COL18A1: variants seen among roughly 807,000 people sequenced by gnomAD.
COL18A1 encodes the protein collagen alpha-1(XVIII) chain.
COL18A1 carries 133 observed loss-of-function variants against 168.0 expected under a neutral mutation model. The ratio of observed to expected loss-of-function variants is 0.79; its 90% CI spans 0.69 to 0.91. The LOEUF (loss-of-function observed/expected upper bound fraction) is 0.91, where lower values mean the gene tolerates loss of function less well. Among genes scored for constraint, COL18A1 ranks in the 40% least tolerant of loss-of-function variants. The probability of loss-of-function intolerance (pLI) is 0.00; values close to 1 mark genes in which losing one functional copy is unlikely to be tolerated. For missense variants in COL18A1, 2,126 were observed against 1,925.4 expected (o/e 1.10, Z -1.95); for synonymous variants, 949 against 809.0 (o/e 1.17, Z -2.94).
intron 15 of COL18A1, 135 bp downstream of exon 15, chr21:45,482,956 C>T (rs1054308984): frequency 1.4e-5 from 18 of 1,287,500 alleles, no homozygotes; most frequent in Non-Finnish European, 1.9e-5. Context: ...CCACTCCTGC[C>T]ATCTGTCCAT....
chr21:45,476,866 GTA>G (rs987270518), intron 6 of COL18A1, among the ~76,000 whole-genome samples: 4 of 151,158 alleles, frequency 2.6e-5, no homozygotes, highest in African/African-American at 4.9e-5. Flanking sequence ...CGTATTGTGT[GTA>G]TGTGTGTGAT....
rs1555876762 is a variant in COL18A1, at chr21:45,511,088, C to CAG, written c.3694-22_3694-21insGA. 2.9e-6 allele frequency: 3 copies of CAG among 1,045,728 alleles called. No homozygotes were observed. In the African/African-American group the frequency reaches 9.5e-5, roughly 33 times the overall value. 64.8% of individuals were successfully genotyped at this position (1,045,728 alleles called of 1,614,324 possible). On this transcript the variant is annotated intron_variant, in intron 40 of 41. Coordinates refer to ENST00000651438, the MANE Select transcript of COL18A1 (RefSeq NM_001379500.1). ...TCCACACCCCCACACACCACACACA[C>CAG]ATACACACGGTTTCTCTTCCAGGAC...
At chr21:45,510,523 C>T (rs1028341383) in intron 40 of COL18A1, among the ~76,000 whole-genome samples, 10 of 152,302 alleles carry the variant, frequency 6.6e-5, no homozygotes, top group Non-Finnish European at 1.3e-4. Context: ...CCCCCGCTCC[C>T]CCGGCAGTGC....
At chr21:45,446,691 C>T (rs191895454) in intron 2 of COL18A1, among the ~76,000 whole-genome samples, 35 of 152,264 alleles carry the variant, frequency 2.3e-4, no homozygotes, top group South Asian at 1.4e-3. Flanking sequence ...CAGACAAAGA[C>T]ATTGCCAAAA....
At chr21:45,406,478 G>T (rs952113540) in intron 2 of COL18A1, among the ~76,000 whole-genome samples, 3 of 152,232 alleles carry the variant, frequency 2.0e-5, no homozygotes, top group Non-Finnish European at 2.9e-5. Context: ...TAGCTTATAA[G>T]TAGATGTATT....
intron 1 of COL18A1, 40 bp from the exon 2 acceptor site, chr21:45,405,338 CG>C (rs1233279969): frequency 2.8e-6 from 3 of 1,085,290 alleles, no homozygotes; most frequent in Non-Finnish European, 3.4e-6. Context: ...GCGGGGGTCG[CG>C]GGGGTCCTGC....
At chr21:45,475,383 G>A (rs1452708857) in intron 4 of COL18A1, 93 bp from the exon 5 acceptor site, 4 of 1,154,152 alleles carry the variant, frequency 3.5e-6, no homozygotes, top group Non-Finnish European at 5.1e-6. Context: ...CCTGGAGGAG[G>A]CGAGAGCAGC....
At chr21:45,419,543 C>G (rs1194915803) in intron 2 of COL18A1, among the ~76,000 whole-genome samples, 1 of 152,086 alleles carries the variant, frequency 6.6e-6, no homozygotes, top group Non-Finnish European at 1.5e-5. Flanking sequence ...GCAAAGTGGC[C>G]TGGACTTTAT....
Position 45,442,237 on chromosome 21 carries a change from C to A in COL18A1, c.107-26005C>A, listed in dbSNP as rs1210203036. ...GGTGCACAGGGTGCACGTGAGGAAA[C>A]CCTGCCCGTTCTGTGCCCGTGCCTT... On this transcript the variant is annotated intron_variant, in intron 2 of 41. Coordinates refer to ENST00000651438, the MANE Select transcript of COL18A1 (RefSeq NM_001379500.1). Among the ~76,000 whole-genome samples, 12 of 152,334 alleles carry A rather than the reference C, an allele frequency of 7.9e-5. No individual in the cohort carries two copies. The East Asian group carries it at 2.3e-3, about 29-fold the overall frequency.
chr21:45,505,003 G>A (rs890514332), intron 34 of COL18A1, 131 bp from the exon 35 acceptor site: 2 of 1,168,272 alleles, frequency 1.7e-6, no homozygotes, highest in Non-Finnish European at 2.5e-6. Flanking sequence ...TATGGCGTGG[G>A]CAGGGAGGGG....
At chr21:45,456,252 T>C in intron 2 of COL18A1, 1 of 1,571,658 alleles carries the variant, frequency 6.4e-7, no homozygotes, top group Non-Finnish European at 8.6e-7. Context: ...AGCCAAGGAC[T>C]CTCGCCCGCC....
chr21:45,421,213 C>A (rs970252624), intron 2 of COL18A1: 5 of 357,554 alleles, frequency 1.4e-5, no homozygotes, highest in Non-Finnish European at 2.8e-5. Context: ...ACGGCTTTGC[C>A]GCCCCCACCC....
chr21:45,438,731 C>T (rs554660132), intron 2 of COL18A1, among the ~76,000 whole-genome samples: 2 of 152,346 alleles, frequency 1.3e-5, no homozygotes, highest in African/African-American at 4.8e-5. Flanking sequence ...GCCAGGGCCA[C>T]GCAAGCTCCA....
rs1170389563 is a variant in COL18A1 at position 45,437,663 on chromosome 21, CACTCAG to C, written c.107-30576_107-30571del. Reference sequence around the variant, plus strand: ...ACAGGCACTCTCCTGCACACACACACACTCAGACACACAGGCACTCTCCTGCACACA... The same window carrying C: ...ACAGGCACTCTCCTGCACACACACACACACACAGGCACTCTCCTGCACACA... On this transcript the variant is annotated intron_variant, in intron 2 of 41. Transcript: ENST00000651438. Among the ~76,000 whole-genome samples the C allele has an allele frequency of 1.2e-3, 89 of 73,806 alleles. 11 individuals carry two copies. The highest frequency in any genetic ancestry group is 1.7e-3 in the Non-Finnish European group (63 of 38,112). 48.4% of individuals were successfully genotyped at this position (73,806 alleles called of 152,430 possible). A position where few individuals can be genotyped will look rare whatever the true frequency, so the allele number is the denominator to read the frequency against.
intron 10 of COL18A1, 43 bp downstream of exon 10, chr21:45,480,007 C>T (rs764379090): frequency 1.2e-6 from 2 of 1,613,660 alleles, no homozygotes; most frequent in Non-Finnish European, 1.7e-6. Context: ...TGTGTTGGCC[C>T]TTGGCTCAAG....
intron 2 of COL18A1, among the ~76,000 whole-genome samples, chr21:45,414,469 C>T (rs2033385661): frequency 6.6e-6 from 1 of 152,234 alleles, no homozygotes; most frequent in Non-Finnish European, 1.5e-5. Flanking sequence ...GGTTTGGAAA[C>T]CAGGAAGACC....
chr21:45,502,459 C>T (rs1170480659), intron 32 of COL18A1: 1 of 152,048 alleles, frequency 6.6e-6, no homozygotes, highest in Non-Finnish European at 1.5e-5. Flanking sequence ...ATTTAAAGAA[C>T]AACAAACAGT....
rs138419367 is a variant in COL18A1, at chr21:45,412,237, C to CT, written c.106+6780dup. Among the ~76,000 whole-genome samples, 313 of 52,560 alleles carry CT rather than the reference C, an allele frequency of 6.0e-3. 6 individuals are homozygous for CT. The highest frequency in any genetic ancestry group is 0.01 in the African/African-American group (221 of 21,620). 34.5% of individuals were successfully genotyped at this position (52,560 alleles called of 152,430 possible). ...TATTTCTTTAACTGGGGGTATATTTCTTTTTTTTTTTTTTTTCGAGATGGA... is the reference window on the plus strand; with the variant it reads ...TATTTCTTTAACTGGGGGTATATTTCTTTTTTTTTTTTTTTTTCGAGATGGA... On this transcript the variant is annotated intron_variant, in intron 2 of 41. Coordinates refer to ENST00000651438, the MANE Select transcript of COL18A1 (RefSeq NM_001379500.1).
rs71240728 is a variant in COL18A1 at position 45,437,119 on chromosome 21, A to ACACT, written c.107-31121_107-31120insCTCA. Among the ~76,000 whole-genome samples the ACACT allele has an allele frequency of 1.7e-3, 195 of 113,596 alleles. 8 individuals carry two copies. The highest frequency in any genetic ancestry group is 6.2e-3 in the African/African-American group (159 of 25,720). The allele number at this position is 113,596 out of a possible 152,430, so 74.5% of individuals were successfully genotyped here. ...CACTCTCCTGCACACACACTCACAC[A>ACACT]CAGACACACAGGCACTCTCCACACA... On this transcript the variant is annotated intron_variant, in intron 2 of 41. Transcript: ENST00000651438.
Sources: gnomAD v4.1 joint callset for allele counts (sites outside exome capture counted in the v4.1 genomes callset) on GRCh38, gnomAD v4.1.1 for gene constraint, MANE v1.5 for transcripts, NCBI Gene and HGNC (gene_info 2026-07-23, HGNC 2026-07-21) for gene names.